Variants in SYNJ1 observed in about 807,000 individuals in gnomAD.
SYNJ1 encodes polyphosphatidylinositol phosphatase SYNJ1.
A neutral mutation model predicts 168.2 loss-of-function variants in SYNJ1; 78 were observed. The ratio of observed to expected loss-of-function variants is 0.46; its 90% CI spans 0.39 to 0.56. The LOEUF (loss-of-function observed/expected upper bound fraction) is 0.56, where lower values mean the gene tolerates loss of function less well. SYNJ1 is among the 20% of genes least tolerant of loss of function. The pLI is 0.00. For missense variants in SYNJ1, 1,303 were observed against 1,597.6 expected (o/e 0.82, Z 3.14); for synonymous variants, 539 against 548.6 (o/e 0.98, Z 0.24).
intron 31 of SYNJ1, among the ~76,000 whole-genome samples, chr21:32,635,842 T>C (rs971933669): frequency 2.6e-5 from 4 of 152,104 alleles, no homozygotes; most frequent in African/African-American, 9.7e-5. Context: ...AATTTGGAAT[T>C]TACCTTTGTT....
At chr21:32,650,113 A>C in intron 23 of SYNJ1, 71 bp downstream of exon 23, 1 of 1,503,720 alleles carries the variant, frequency 6.7e-7, no homozygotes. Flanking sequence ...TGAACTTGGA[A>C]AATAAGACTT....
At chr21:32,638,633 G>A (rs1288141007) in intron 31 of SYNJ1, among the ~76,000 whole-genome samples, 1 of 152,108 alleles carries the variant, frequency 6.6e-6, no homozygotes, top group Non-Finnish European at 1.5e-5. Flanking sequence ...GGAGGCGGAG[G>A]TTGCAGTGAG....
intron 14 of SYNJ1, among the ~76,000 whole-genome samples, chr21:32,672,085 GAA>G (rs1168614891): frequency 2.7e-5 from 2 of 74,192 alleles, no homozygotes; most frequent in Non-Finnish European, 5.5e-5. Context: ...AAAAAAAAAA[GAA>G]AAAGAAAAAG....
intron 14 of SYNJ1, among the ~76,000 whole-genome samples, chr21:32,671,359 T>TA (rs992101876): frequency 3.3e-5 from 5 of 151,476 alleles, no homozygotes; most frequent in East Asian, 1.9e-4. Flanking sequence ...ACACTGAAAT[T>TA]AAAAAAAAAT....
At chr21:32,665,114 G>A (rs765186572) in intron 17 of SYNJ1, 43 bp from the exon 18 acceptor site, 8 of 1,539,352 alleles carry the variant, frequency 5.2e-6, no homozygotes, top group Non-Finnish European at 7.0e-6. Flanking sequence ...AACAATCAAT[G>A]TTCAAAAATG....
chr21:32,688,829 TCCTACTCCTCCAAGCTG>T (rs1010538693), intron 6 of SYNJ1, among the ~76,000 whole-genome samples: 2 of 152,142 alleles, frequency 1.3e-5, no homozygotes, highest in Non-Finnish European at 2.9e-5. Context: ...TGACCTAAAT[TCCTACTCCTCCAAGCTG>T]CCTACCAATA....
intron 14 of SYNJ1, 28 bp from the exon 15 acceptor site, chr21:32,670,400 T>C (rs751840884): frequency 3.8e-6 from 6 of 1,570,566 alleles, no homozygotes; most frequent in Non-Finnish European, 4.4e-6. Flanking sequence ...AGAAATACTT[T>C]TAAATATAGC....
At chr21:32,645,174 AAC>A (rs1375612184) in intron 25 of SYNJ1, among the ~76,000 whole-genome samples, 168 bp from the exon 26 acceptor site, 1 of 152,272 alleles carries the variant, frequency 6.6e-6, no homozygotes, top group Non-Finnish European at 1.5e-5. Context: ...TAATTGAAGT[AAC>A]AGCACTATAT....
At chr21:32,641,768 C>A in intron 29 of SYNJ1, 128 bp downstream of exon 29, 1 of 593,992 alleles carries the variant, frequency 1.7e-6, no homozygotes, top group Non-Finnish European at 2.9e-6. Context: ...AGTGCAATTC[C>A]CTCATTTTAG....
chr21:32,638,195 A>G (rs546157915), intron 31 of SYNJ1, among the ~76,000 whole-genome samples: 11 of 152,232 alleles, frequency 7.2e-5, no homozygotes, highest in Middle Eastern at 3.4e-3. Context: ...CAGACTCCCA[A>G]GTAGCCAGGA....
In SYNJ1 at chr21:32,678,745, G is replaced by A. The variant is rs2041510062; in HGVS notation, c.1410C>T (p.Ser470=). 4 of 1,613,358 alleles carry A rather than the reference G, an allele frequency of 2.5e-6. No homozygotes were observed. The highest frequency in any genetic ancestry group is 3.4e-6 in the Non-Finnish European group (4 of 1,179,754). ...TRTIQNNFFD[S]SKQEAIDVLL... ...AAACATCAATGGCCTCTTGCTTGGA[G>A]CTGTCAAAGAAGTTATTCTGAATTG... is the stretch of plus-strand genomic sequence containing the variant. The change falls in exon 12 of 33, where the codon AGC becomes AGT. Residue 470 remains serine (S), a synonymous_variant. Coordinates refer to ENST00000674351, the MANE Select transcript of SYNJ1 (RefSeq NM_203446.3).
intron 2 of SYNJ1, among the ~76,000 whole-genome samples, chr21:32,715,718 A>T (rs2043001565): frequency 6.6e-6 from 1 of 152,184 alleles, no homozygotes; most frequent in Non-Finnish European, 1.5e-5. Flanking sequence ...AATGAAATAG[A>T]AACACAAAAT....
chr21:32,656,875 A>G lies in SYNJ1; in HGVS notation c.2607T>C (p.Asp869=), dbSNP rs2145851928. 6.2e-7 allele frequency: 1 copy of G among 1,614,156 alleles called. No homozygotes were observed. The highest frequency in any genetic ancestry group is 1.6e-4 in the Middle Eastern group (1 of 6,062). The change falls in exon 21 of 33, where the codon GAT becomes GAC. Residue 869 remains aspartate, a synonymous_variant. Transcript: ENST00000674351. ...TCTCTTCAGCTTCAACTTCAAATAT[A>G]TCTATATCAATCAGGGCAACGACAG... ...HRPVVALIDI[D]IFEVEAEERQ...
chr21:32,645,135 C>A lies in SYNJ1; in HGVS notation c.3392-129G>T, dbSNP rs189532601. On this transcript the variant is annotated intron_variant, in intron 25 of 32. Transcript: ENST00000674351. ...GGAATTACATATTATCTACGTACTA[C>A]AAAAACTATTATTCAATGCATATGC... is the stretch of plus-strand genomic sequence containing the variant. 5.3e-3 allele frequency: 4,432 copies of A among 832,410 alleles called. 12 individuals carry two copies. Among genetic ancestry groups the A allele is most frequent in the Non-Finnish European group, 6.9e-3 (3,800 of 554,644 alleles). The allele number at this position is 832,410 out of a possible 1,614,324, so 51.6% of individuals were successfully genotyped here.
chr21:32,646,609 A>G lies in SYNJ1; in HGVS notation c.3038-7T>C. On this transcript the variant is annotated splice_polypyrimidine_tract_variant and splice_region_variant and intron_variant, in intron 23 of 32. Coordinates refer to ENST00000674351, the MANE Select transcript of SYNJ1 (RefSeq NM_203446.3). ...CTATAGTCATCAACATCACCTAAGG[A>G]AAAGCAGGCTTGATCAGAGATAACT... is the stretch of plus-strand genomic sequence containing the variant. 1 of 1,610,728 alleles carries G rather than the reference A, an allele frequency of 6.2e-7. No homozygotes were observed. Among genetic ancestry groups the G allele is most frequent in the South Asian group, 1.1e-5 (1 of 90,918 alleles).
chr21:32,680,460 T>A (rs1461041858), intron 11 of SYNJ1, among the ~76,000 whole-genome samples: 1 of 152,186 alleles, frequency 6.6e-6, no homozygotes, highest in African/African-American at 2.4e-5. Context: ...CCTTAAAAAG[T>A]TAAACAATAT....
chr21:32,686,273 A>T (rs2041834856), intron 8 of SYNJ1, among the ~76,000 whole-genome samples: 1 of 152,192 alleles, frequency 6.6e-6, no homozygotes, highest in South Asian at 2.1e-4. Flanking sequence ...ATTTTACCAT[A>T]AAGTCACTCT....
chr21:32,695,822 C>T (rs918066296), intron 4 of SYNJ1, among the ~76,000 whole-genome samples: 10 of 149,992 alleles, frequency 6.7e-5, no homozygotes, highest in South Asian at 6.3e-4. Context: ...ACCACCAAGC[C>T]GGGCTAATTT....
intron 18 of SYNJ1, among the ~76,000 whole-genome samples, chr21:32,662,096 G>C (rs1314583600): frequency 6.6e-6 from 1 of 152,248 alleles, no homozygotes; most frequent in Admixed American, 6.5e-5. Context: ...CACCACAGCC[G>C]TGTGAAACCT....
Sources: allele counts gnomAD v4.1 joint callset (sites outside exome capture counted in the v4.1 genomes callset), GRCh38; gene constraint gnomAD v4.1.1; transcripts MANE v1.5; gene names NCBI Gene and HGNC (gene_info 2026-07-23, HGNC 2026-07-21).